OBSL1: variants seen among roughly 807,000 people sequenced by gnomAD.
The protein encoded by OBSL1 is obscurin like cytoskeletal adaptor 1, also known as obscurin-like protein 1.
OBSL1 carries 160 observed loss-of-function variants against 172.0 expected under a neutral mutation model. That is an observed-to-expected ratio of 0.93 (90% confidence interval 0.82 to 1.06). The LOEUF (loss-of-function observed/expected upper bound fraction) is 1.06, where lower values mean the gene tolerates loss of function less well. OBSL1 is among the 50% of genes least tolerant of loss of function. OBSL1 has a pLI of 0.00. For synonymous variants in OBSL1, 1,200 were observed against 1,196.3 expected (o/e 1.00, Z -0.06); for missense variants, 2,681 against 2,715.4 (o/e 0.99, Z 0.28).
downstream of OBSL1, chr2:219,547,793 C>T (rs762080421): frequency 1.4e-5 from 22 of 1,592,928 alleles, no homozygotes; most frequent in Non-Finnish European, 1.9e-5. Context: ...TCCACTGGGG[C>T]TGTTGCTGGG....
intron 11 of OBSL1, 44 bp from the exon 12 acceptor site, chr2:219,557,662 G>T: frequency 8.0e-6 from 12 of 1,508,574 alleles, no homozygotes; most frequent in Non-Finnish European, 8.9e-6. Flanking sequence ...AGAGGCTCAG[G>T]GCTTTGAGGA....
At chr2:219,557,130 A>G (rs1206075332) in intron 12 of OBSL1, 1 of 523,466 alleles carries the variant, frequency 1.9e-6, no homozygotes, top group Non-Finnish European at 3.2e-6. Flanking sequence ...GGTGGACTCT[A>G]GAGCCCCTGC....
Position 219,551,249 on chromosome 2 carries a change from A to T in OBSL1, c.5683+280T>A. On this transcript the variant is annotated intron_variant, in intron 20 of 20. Transcript: ENST00000404537. ...TGGTAGAAACAGGGCTGTTCAAGAG[A>T]GACAAACATGGTCCAGTGGCAGGAG... 2.2e-6 allele frequency: 3 copies of T among 1,394,558 alleles called. No individual in the cohort carries two copies. In the East Asian group the frequency reaches 7.9e-5, roughly 37 times the overall value. 86.4% of individuals were successfully genotyped at this position (1,394,558 alleles called of 1,614,324 possible).
At chr2:219,563,758 A>C (rs906857836) in intron 6 of OBSL1, 131 bp from the exon 7 acceptor site, 45 of 973,594 alleles carry the variant, frequency 4.6e-5, no homozygotes, top group Non-Finnish European at 6.5e-5. Flanking sequence ...CTGTGTAGGG[A>C]CTCAGGGACA....
chr2:219,570,137 G>A (rs1030274003), intron 1 of OBSL1, 84 bp downstream of exon 1: 3 of 1,248,884 alleles, frequency 2.4e-6, no homozygotes, highest in Non-Finnish European at 3.2e-6. Context: ...CTTGGGGGCA[G>A]CGCTGGGCAC....
chr2:219,551,679 C>T lies in OBSL1; in HGVS notation c.5533G>A (p.Gly1845Arg). 1 of 1,611,106 alleles carries T rather than the reference C, an allele frequency of 6.2e-7. No homozygotes were observed. Among genetic ancestry groups the T allele is most frequent in the Non-Finnish European group, 8.5e-7 (1 of 1,179,282 alleles). ...TTATCTCCCGGGCACAGCTCGGCCCCCTCCCGCAGCCAGCACACGTGGCCC... is the reference window on the plus strand; with the variant it reads ...TTATCTCCCGGGCACAGCTCGGCCCTCTCCCGCAGCCAGCACACGTGGCCC... ...SGGHVCWLRE[G>R]AELCPGDKYE... The change falls in exon 20 of 21, where the codon GGG becomes AGG. Residue 1845 changes from glycine to arginine, a missense_variant. Transcript: ENST00000404537.
In OBSL1 at chr2:219,570,867, CCCCGGCGATGGCA is replaced by C; in HGVS notation, c.353_365del (p.Leu118ArgfsTer26). ...GGAAGACCGGGGCGCCCTCCCCGGA[CCCCGGCGATGGCA>C]GCGGGCGCTCGGCGGGCTGCAGCTC... On this transcript the variant is annotated frameshift_variant, in exon 1 of 21. Transcript: ENST00000404537. LOFTEE classifies it high-confidence loss of function. The C allele has an allele frequency of 7.2e-7, 1 of 1,397,162 alleles. No individual in the cohort carries two copies. The highest frequency in any genetic ancestry group is 9.3e-7 in the Non-Finnish European group (1 of 1,076,918). 86.5% of individuals were successfully genotyped at this position (1,397,162 alleles called of 1,614,324 possible).
chr2:219,558,350 C>CCCTGGT lies in OBSL1; in HGVS notation c.3335_3336insACCAGG (p.Val1112_Arg1113insProGly). On this transcript the variant is annotated inframe_insertion, in exon 10 of 21. Transcript: ENST00000404537. ...CTTCCAGCCCGTCCTTGTACCAGCG[C>CCCTGGT]ACCTGAGACCCAGCTGGGGCCACCT... The CCCTGGT allele has an allele frequency of 6.2e-7, 1 of 1,612,490 alleles. No homozygotes were observed. Among genetic ancestry groups the CCCTGGT allele is most frequent in the Non-Finnish European group, 8.5e-7 (1 of 1,179,602 alleles).
Position 219,567,563 on chromosome 2 carries a change from C to T in OBSL1, c.1547G>A (p.Ser516Asn), listed in dbSNP as rs1697004346. Residue 516 changes from serine (S) to asparagine (N), a missense_variant, in exon 4 of 21, where the codon AGT becomes AAT. Around this residue, in one of 5 missense-constraint regions of OBSL1, gnomAD observed 706 missense variants for 695.8 expected, o/e 1.01. Coordinates refer to ENST00000404537, the MANE Select transcript of OBSL1 (RefSeq NM_015311.3). ...TGCCAATATGGGGGGTCCTGGGGGACTGTGCTTGACACCTGAGACCAAGGC... is the reference window on the plus strand; with the variant it reads ...TGCCAATATGGGGGGTCCTGGGGGATTGTGCTTGACACCTGAGACCAAGGC... ...TLLRVKCVKHSPPGPPILAEM... is the reference protein window; with the variant it reads ...TLLRVKCVKHNPPGPPILAEM... 6.2e-7 allele frequency: 1 copy of T among 1,609,510 alleles called. No homozygotes were observed. The highest frequency in any genetic ancestry group is 8.5e-7 in the Non-Finnish European group (1 of 1,176,292).
chr2:219,563,660 CA>C, intron 6 of OBSL1, 33 bp from the exon 7 acceptor site: 1 of 1,591,452 alleles, frequency 6.3e-7, no homozygotes, highest in East Asian at 2.2e-5. Flanking sequence ...ATTGCACAGA[CA>C]CCCCCGCACA....
At position 219,565,506 on chromosome 2, in the gene OBSL1, C is replaced by T. The variant is rs1276144306; in HGVS notation, c.2143G>A (p.Val715Met). Residue 715 changes from valine to methionine, a missense_variant, in exon 6 of 21, where the codon GTG becomes ATG. By Grantham distance (21) the Val-to-Met change is conservative. Around this residue, in one of 5 missense-constraint regions of OBSL1, gnomAD observed 1,765 missense variants for 1,748.3 expected, o/e 1.01. Coordinates refer to ENST00000404537, the MANE Select transcript of OBSL1 (RefSeq NM_015311.3). ...SAALTIQESP[V>M]HILSPQDRVS... ...CTGTCCTGGGGGCTCAGGATGTGCA[C>T]CGGGCTCTCTGTGTGGGGAGAAGTA... 8 of 1,606,816 alleles carry T rather than the reference C, an allele frequency of 5.0e-6. No individual in the cohort carries two copies. The highest frequency in any genetic ancestry group is 2.2e-5 in the East Asian group (1 of 44,876).
rs1243735552 is a variant in OBSL1, at chr2:219,567,918, T to C, written c.1334A>G (p.Asn445Ser). The change falls in exon 3 of 21, where the codon AAT (asparagine) becomes AGT (serine). Residue 445 changes from asparagine (N) to serine (S), a missense_variant. Transcript: ENST00000404537. ...PRKLDVLEGE[N>S]AVLLVETLEA... is the part of the protein sequence containing the mutation. ...TAGAGTTTCCACTAGCAGCACAGCA[T>C]TCTCTCCTTCCAGGACGTCGAGCTT... 1 of 1,613,822 alleles carries C rather than the reference T, an allele frequency of 6.2e-7. No individual in the cohort carries two copies. The highest frequency in any genetic ancestry group is 8.5e-7 in the Non-Finnish European group (1 of 1,179,872).
At chr2:219,560,964 T>C (rs1696419629) in intron 8 of OBSL1, among the ~76,000 whole-genome samples, 1 of 152,128 alleles carries the variant, frequency 6.6e-6, no homozygotes, top group Admixed American at 6.5e-5. Flanking sequence ...TTGTGTGAAC[T>C]TCCCTGTGAA....
At position 219,558,189 on chromosome 2, in the gene OBSL1, AG is replaced by A; in HGVS notation, c.3496del (p.Leu1166TrpfsTer11). On this transcript the variant is annotated frameshift_variant, in exon 10 of 21. Transcript: ENST00000404537. LOFTEE classifies it high-confidence loss of function. The stretch of plus-strand genomic sequence containing the variant: ...GGTTGGCCAGGAGCACCCACCAGCC[AG>A]GATGACATTGAAGGTGATGGCCTCA... Reference protein sequence around the residue: ...RHEAITFNVILAEPPVQFLAL... With the variant: ...RHEAITFNVIXAEPPVQFLAL... 1.2e-6 allele frequency: 2 copies of A among 1,607,996 alleles called. No individual in the cohort carries two copies. The highest frequency in any genetic ancestry group is 2.2e-5 in the East Asian group (1 of 44,712).
At chr2:219,547,473 C>T (rs1695413019), downstream of OBSL1, 1 of 1,396,884 alleles carries the variant, frequency 7.2e-7, no homozygotes, top group African/African-American at 1.5e-5. Context: ...GTGCCCTCAT[C>T]TTGGCCCCTC....
Position 219,570,805 on chromosome 2 carries a change from G to C in OBSL1, c.428C>G (p.Ala143Gly), listed in dbSNP as rs1361669579. The C allele has an allele frequency of 2.0e-6, 3 of 1,489,752 alleles. No homozygotes were observed. Among genetic ancestry groups the C allele is most frequent in the Non-Finnish European group, 2.7e-6 (3 of 1,127,174 alleles). The allele number at this position is 1,489,752 out of a possible 1,614,324, so 92.3% of individuals were successfully genotyped here. Residue 143 changes from alanine (A) to glycine (G), a missense_variant, in exon 1 of 21, where the codon GCG (alanine) becomes GGG (glycine). Coordinates refer to ENST00000404537, the MANE Select transcript of OBSL1 (RefSeq NM_015311.3). ...CGCCCGGCACGTCAGCACCACCTCC[G>C]CCCCCCGCAGCACCCACTGGGATCG... ...GPRSQWVLRGAEVVLTCRAGG... is the reference protein window; with the variant it reads ...GPRSQWVLRGGEVVLTCRAGG...
Position 219,570,869 on chromosome 2 carries a change from C to T in OBSL1, c.364G>A (p.Gly122Arg), listed in dbSNP as rs773531713. Residue 122 changes from glycine to arginine, a missense_variant, in exon 1 of 21, where the codon GGG becomes AGG. By Grantham distance (125) the Gly-to-Arg change is moderately radical. This residue lies in a region of OBSL1 where 706 missense variants were observed against 695.8 expected (regional missense o/e 1.01). Coordinates refer to ENST00000404537, the MANE Select transcript of OBSL1 (RefSeq NM_015311.3). ...QPAERPLPSPGSGEGAPVFLT... is the reference protein window; with the variant it reads ...QPAERPLPSPRSGEGAPVFLT... Reference sequence around the variant, plus strand: ...AAGACCGGGGCGCCCTCCCCGGACCCCGGCGATGGCAGCGGGCGCTCGGCG... The same window carrying T: ...AAGACCGGGGCGCCCTCCCCGGACCTCGGCGATGGCAGCGGGCGCTCGGCG... 3.2e-5 allele frequency: 45 copies of T among 1,393,094 alleles called. No individual in the cohort carries two copies. The highest frequency in any genetic ancestry group is 3.9e-4 in the Middle Eastern group (2 of 5,080). The allele number at this position is 1,393,094 out of a possible 1,614,324, so 86.3% of individuals were successfully genotyped here.
At position 219,558,473 on chromosome 2, in the gene OBSL1, A is replaced by C. The variant is rs916049534; in HGVS notation, c.3227-14T>G. The C allele has an allele frequency of 6.4e-7, 1 of 1,556,720 alleles. No individual in the cohort carries two copies. The highest frequency in any genetic ancestry group is 8.7e-7 in the Non-Finnish European group (1 of 1,153,014). ...TCTCTGGTGGGGCTGGTGGGTGGGC[A>C]TGGAGAGGGGCACATAGGCTTGGCC... On this transcript the variant is annotated splice_polypyrimidine_tract_variant and intron_variant, in intron 9 of 20. Transcript: ENST00000404537.
intron 7 of OBSL1, 96 bp downstream of exon 7, chr2:219,563,259 C>T (rs1263856332): frequency 7.7e-6 from 10 of 1,292,780 alleles, no homozygotes; most frequent in South Asian, 3.1e-5. Flanking sequence ...GCAGTAGGGG[C>T]GGGGAACAGT....
Sources: gnomAD v4.1 joint callset for allele counts (sites outside exome capture counted in the v4.1 genomes callset) on GRCh38, gnomAD v4.1.1 for gene constraint, gnomAD v4.1.1 regional missense constraint, MANE v1.5 for transcripts, NCBI Gene and HGNC (gene_info 2026-07-23, HGNC 2026-07-21) for gene names.